The following WDR49 variants were observed in gnomAD, a reference collection of about 807,000 sequenced individuals.
The protein encoded by WDR49 is WD repeat domain 49, also known as cilia- and flagella-associated protein 337.
In WDR49, 107 loss-of-function variants were observed where a neutral mutation model predicts 119.5. The observed-to-expected ratio is 0.90, with a 90% CI of 0.77 to 1.05. WDR49 has a LOEUF of 1.05. Among genes scored for constraint, WDR49 ranks in the 50% least tolerant of loss-of-function variants. The probability of loss-of-function intolerance (pLI) is 0.00; values close to 1 mark genes in which losing one functional copy is unlikely to be tolerated. For synonymous variants in WDR49, 425 were observed against 418.8 expected (o/e 1.01, Z -0.18); for missense variants, 1,240 against 1,220.5 (o/e 1.02, Z -0.24).
chr3:167,495,882 T>TG, intron 18 of WDR49, among the ~76,000 whole-genome samples: 1 of 30,718 alleles, frequency 3.3e-5, no homozygotes, highest in African/African-American at 1.7e-4. Context: ...TTTAAAAATT[T>TG]GAAAAAAAAA....
At chr3:167,598,246 A>T (rs1435561196) in intron 7 of WDR49, among the ~76,000 whole-genome samples, 1 of 151,236 alleles carries the variant, frequency 6.6e-6, no homozygotes, top group East Asian at 1.9e-4. Flanking sequence ...CAGAGGTTGC[A>T]GTGAGCCGAG....
chr3:167,555,841 A>T lies in WDR49; in HGVS notation c.1675-1043T>A, dbSNP rs150637489. ...GAGAAATGCATCACTGGGTGATTTT[A>T]TCATTGTGCCACTATCATACAGTGT... On this transcript the variant is annotated intron_variant, in intron 9 of 18. Transcript: ENST00000682715. Among the ~76,000 whole-genome samples, 1,034 of 152,320 alleles carry T rather than the reference A, an allele frequency of 6.8e-3. 11 individuals are homozygous for T. Among genetic ancestry groups the T allele is most frequent in the African/African-American group, 0.024 (986 of 41,566 alleles).
intron 7 of WDR49, among the ~76,000 whole-genome samples, chr3:167,582,660 A>G (rs539920022): frequency 6.6e-6 from 1 of 152,272 alleles, no homozygotes; most frequent in South Asian, 2.1e-4. Context: ...TTGATTTCCC[A>G]GTTCTAATTT....
At chr3:167,521,765 C>T (rs1197662093) in intron 16 of WDR49, among the ~76,000 whole-genome samples, 1 of 152,054 alleles carries the variant, frequency 6.6e-6, no homozygotes, top group Non-Finnish European at 1.5e-5. Flanking sequence ...AACTAAACTC[C>T]TTAACATGAG....
intron 7 of WDR49, among the ~76,000 whole-genome samples, chr3:167,593,155 G>A (rs940106058): frequency 2.6e-5 from 4 of 152,008 alleles, no homozygotes; most frequent in African/African-American, 9.7e-5. Context: ...GCTAGGTTTA[G>A]GAAGTTCTCT....
rs202058636 is a variant in WDR49, at chr3:167,576,040, G to A, written c.1387C>T (p.Arg463Ter). Residue 463 changes from arginine to a stop codon, truncating the protein, a stop_gained, in exon 8 of 19, where the codon CGA becomes TGA. Coordinates refer to ENST00000682715, the MANE Select transcript of WDR49 (RefSeq NM_001366157.1). LOFTEE classifies it high-confidence loss of function. ...CLFHFDEAHG[R>*]LFISFNNQLA... ...TGGTTATTAAACGAGATGAAAAGTCGTCCATGGGCTTCATCAAAGTGGAAG... is the reference window on the plus strand; with the variant it reads ...TGGTTATTAAACGAGATGAAAAGTCATCCATGGGCTTCATCAAAGTGGAAG... 113 of 1,614,090 alleles carry A rather than the reference G, an allele frequency of 7.0e-5. No homozygotes were observed. The highest frequency in any genetic ancestry group is 2.2e-4 in the East Asian group (10 of 44,868).
intron 2 of WDR49, among the ~76,000 whole-genome samples, chr3:167,651,632 T>C (rs1177776728): frequency 1.3e-5 from 2 of 152,124 alleles, no homozygotes; most frequent in African/African-American, 4.8e-5. Context: ...AAGCTCAATT[T>C]CTTTTTTAGA....
intron 14 of WDR49, 59 bp downstream of exon 14, chr3:167,528,993 C>T (rs1212713448): frequency 7.2e-7 from 1 of 1,385,610 alleles, no homozygotes; most frequent in African/African-American, 1.5e-5. Context: ...TTCATAGTTA[C>T]CTGCAACAAA....
chr3:167,507,109 T>C (rs955850783), intron 16 of WDR49, among the ~76,000 whole-genome samples: 5 of 152,154 alleles, frequency 3.3e-5, no homozygotes, highest in African/African-American at 1.2e-4. Flanking sequence ...TTTCCCTTTT[T>C]CCATATGTTA....
chr3:167,504,617 C>T (rs1751698793), intron 17 of WDR49, among the ~76,000 whole-genome samples: 1 of 152,110 alleles, frequency 6.6e-6, no homozygotes, highest in Admixed American at 6.5e-5. Context: ...TAAGTTAATG[C>T]TGGAATGAGT....
intron 3 of WDR49, 64 bp downstream of exon 3, chr3:167,626,788 G>A: frequency 8.4e-7 from 1 of 1,185,704 alleles, no homozygotes; most frequent in South Asian, 4.4e-5. Flanking sequence ...TGCTAGCCAG[G>A]AGCCCTGCCC....
At chr3:167,594,206 T>G (rs1353600925) in intron 7 of WDR49, among the ~76,000 whole-genome samples, 2 of 152,198 alleles carry the variant, frequency 1.3e-5, no homozygotes, top group Non-Finnish European at 2.9e-5. Flanking sequence ...TGGAAAAGTT[T>G]GAAGGGCTCA....
At chr3:167,514,678 A>G (rs1406492606) in intron 16 of WDR49, among the ~76,000 whole-genome samples, 2 of 150,524 alleles carry the variant, frequency 1.3e-5, no homozygotes, top group Non-Finnish European at 3.0e-5. Context: ...CACCCTTCAA[A>G]ATATCAACAA....
intron 8 of WDR49, among the ~76,000 whole-genome samples, chr3:167,567,875 T>C (rs1455339122): frequency 6.6e-6 from 1 of 152,156 alleles, no homozygotes; most frequent in Non-Finnish European, 1.5e-5. Flanking sequence ...AAGGAACCAG[T>C]TCAGAAAAAA....
intron 16 of WDR49, among the ~76,000 whole-genome samples, chr3:167,514,475 C>A (rs1192954834): frequency 6.6e-6 from 1 of 152,012 alleles, no homozygotes; most frequent in Non-Finnish European, 1.5e-5. Flanking sequence ...GAAAAATTTA[C>A]AGCACTAAAT....
At chr3:167,521,226 T>A (rs749425923) in intron 16 of WDR49, among the ~76,000 whole-genome samples, 4 of 152,008 alleles carry the variant, frequency 2.6e-5, no homozygotes, top group Non-Finnish European at 5.9e-5. Context: ...CTGTGATGTG[T>A]ATTACAAGGG....
At chr3:167,649,698 C>T (rs1312691733) in intron 2 of WDR49, among the ~76,000 whole-genome samples, 1 of 152,136 alleles carries the variant, frequency 6.6e-6, no homozygotes, top group Non-Finnish European at 1.5e-5. Context: ...CTGGGGCAGT[C>T]TTGCTAGGAT....
chr3:167,646,752 T>C (rs1487158913), intron 2 of WDR49, among the ~76,000 whole-genome samples: 1 of 152,170 alleles, frequency 6.6e-6, no homozygotes, highest in Non-Finnish European at 1.5e-5. Context: ...GGTGTACACA[T>C]GCACACATGG....
At chr3:167,621,338 G>T in intron 4 of WDR49, 129 bp downstream of exon 4, 1 of 950,738 alleles carries the variant, frequency 1.1e-6, no homozygotes, top group Non-Finnish European at 1.5e-6. Flanking sequence ...TCTCTTCCAT[G>T]TCCAATGTGC....
Sources: allele counts gnomAD v4.1 joint callset (sites outside exome capture counted in the v4.1 genomes callset), GRCh38; gene constraint gnomAD v4.1.1; transcripts MANE v1.5; gene names NCBI Gene and HGNC (gene_info 2026-07-23, HGNC 2026-07-21).